SYN2: variants seen among roughly 807,000 people sequenced by gnomAD.
SYN2 encodes synapsin-2.
In SYN2, 19 loss-of-function variants were observed where a neutral mutation model predicts 50.9. The observed-to-expected ratio is 0.37, with a 90% confidence interval of 0.26 to 0.55. The LOEUF is 0.55. Among genes scored for constraint, SYN2 ranks in the 20% least tolerant of loss-of-function variants. SYN2 has a pLI of 0.81. For synonymous variants in SYN2, 255 were observed against 224.9 expected (o/e 1.13, Z -1.20); for missense variants, 587 against 576.4 (o/e 1.02, Z -0.19).
At chr3:12,056,060 A>G (rs1694981293) in intron 1 of SYN2, among the ~76,000 whole-genome samples, 1 of 152,240 alleles carries the variant, frequency 6.6e-6, no homozygotes, top group African/African-American at 2.4e-5. Context: ...AATTCTACAT[A>G]TGGATCAAGA....
At chr3:12,151,112 T>C (rs1697276010) in intron 4 of SYN2, 125 bp from the exon 5 acceptor site, 2 of 664,864 alleles carry the variant, frequency 3.0e-6, no homozygotes, top group Admixed American at 2.4e-5. Flanking sequence ...TTCTTTTATA[T>C]CCTCACAATG....
Position 12,004,923 on chromosome 3 carries a change from C to G in SYN2, c.372C>G (p.Ala124=). 1 of 567,270 alleles carries G rather than the reference C, an allele frequency of 1.8e-6. No individual in the cohort carries two copies. 35.1% of individuals were successfully genotyped at this position (567,270 alleles called of 1,614,324 possible). A position where few individuals can be genotyped will look rare whatever the true frequency, so the allele number is the denominator to read the frequency against. ...TGCTGGTGGTCGACGAGCCGCACGCCGACTGGTAGGTGCCGGGCGCCGCCG... is the reference window on the plus strand; with the variant it reads ...TGCTGGTGGTCGACGAGCCGCACGCGGACTGGTAGGTGCCGGGCGCCGCCG... The part of the protein sequence containing the change: ...KVLLVVDEPH[A]DWAKCFRGKK... Residue 124 remains alanine, a synonymous_variant, in exon 1 of 13, where the codon GCC becomes GCG. Transcript: ENST00000621198.
chr3:12,150,286 G>C (rs901204855), intron 4 of SYN2, among the ~76,000 whole-genome samples: 1 of 152,238 alleles, frequency 6.6e-6, no homozygotes, highest in East Asian at 1.9e-4. Context: ...GGATGGGAGT[G>C]TAGGTGTGTA....
intron 12 of SYN2, among the ~76,000 whole-genome samples, 158 bp downstream of exon 12, chr3:12,187,770 G>T (rs1206179554): frequency 1.4e-4 from 3 of 21,058 alleles, no homozygotes; most frequent in Non-Finnish European, 8.3e-4. Flanking sequence ...TTTGGTTTTT[G>T]TGTGTGTGTG....
chr3:12,151,393 T>C, intron 5 of SYN2, 67 bp downstream of exon 5: 2 of 1,283,490 alleles, frequency 1.6e-6, no homozygotes, highest in Non-Finnish European at 2.2e-6. Flanking sequence ...ACCTGGTTAT[T>C]GTGGGGCTCT....
At chr3:12,079,213 G>A (rs9847190) in intron 1 of SYN2, among the ~76,000 whole-genome samples, 7,557 of 152,174 alleles carry the variant, frequency 0.05, 634 homozygotes, top group African/African-American at 0.17. Flanking sequence ...CTGAGATGAT[G>A]GGATTTTCTA....
chr3:12,013,585 T>G (rs1187276500), intron 1 of SYN2, among the ~76,000 whole-genome samples: 1 of 152,218 alleles, frequency 6.6e-6, no homozygotes, highest in African/African-American at 2.4e-5. Context: ...ATGTTTTTCC[T>G]TCCTATTCCA....
chr3:12,077,177 T>G (rs1297082090), intron 1 of SYN2, among the ~76,000 whole-genome samples: 1 of 152,106 alleles, frequency 6.6e-6, no homozygotes, highest in African/African-American at 2.4e-5. Flanking sequence ...ATATGTAAAG[T>G]TAAGCATTGA....
chr3:12,012,749 A>G (rs938370207), intron 1 of SYN2, among the ~76,000 whole-genome samples: 2 of 152,092 alleles, frequency 1.3e-5, no homozygotes, highest in Non-Finnish European at 2.9e-5. Context: ...AAAAAGACTC[A>G]TCTCTTGTCT....
intron 3 of SYN2, among the ~76,000 whole-genome samples, chr3:12,143,660 A>G (rs11721223): frequency 0.096 from 14,661 of 152,026 alleles, 983 homozygotes; most frequent in African/African-American, 0.19. Flanking sequence ...GGTGTATGCT[A>G]TATATATTTT....
intron 5 of SYN2, among the ~76,000 whole-genome samples, chr3:12,156,160 A>G (rs28897670): frequency 0.08 from 12,092 of 152,038 alleles, 581 homozygotes; most frequent in African/African-American, 0.13. Context: ...TCCCTCCCCC[A>G]CTGCTGTGCT....
intron 5 of SYN2, chr3:12,156,766 TC>T: frequency 6.9e-7 from 1 of 1,450,600 alleles, no homozygotes; most frequent in Non-Finnish European, 9.6e-7. Flanking sequence ...TCTCACTACC[TC>T]CCCTAGGGCA....
chr3:12,132,366 CT>C (rs1696814861), intron 1 of SYN2, among the ~76,000 whole-genome samples: 1 of 152,222 alleles, frequency 6.6e-6, no homozygotes, highest in Non-Finnish European at 1.5e-5. Flanking sequence ...CACCTTCTAA[CT>C]GCTACCTTTA....
chr3:12,068,053 T>C (rs1033150936), intron 1 of SYN2, among the ~76,000 whole-genome samples: 3 of 152,164 alleles, frequency 2.0e-5, no homozygotes, highest in Admixed American at 1.3e-4. Context: ...AGTGAGACCT[T>C]GTCTCGAATG....
chr3:12,168,522 G>T (rs1697860840), intron 9 of SYN2, 44 bp downstream of exon 9: 1 of 1,529,004 alleles, frequency 6.5e-7, no homozygotes, highest in South Asian at 1.2e-5. Flanking sequence ...TAAGGCTTAA[G>T]AACTATGTGG....
chr3:12,148,179 A>G (rs1456828127), intron 4 of SYN2, among the ~76,000 whole-genome samples: 2 of 152,126 alleles, frequency 1.3e-5, no homozygotes, highest in Non-Finnish European at 2.9e-5. Flanking sequence ...CAGGGCAGGA[A>G]GAATGGGGAG....
At position 12,190,561 on chromosome 3, in the gene SYN2, A is replaced by T. The variant is rs767472530; in HGVS notation, c.1685A>T (p.Asp562Val). ...SSFFRSSANE[D>V]EAKAETIRSL... ...TTCTTCCGGTCTTCAGCCAATGAGG[A>T]TGAAGCCAAAGCAGAGACCATCCGG... The change falls in exon 13 of 13, where the codon GAT (aspartate) becomes GTT (valine). Residue 562 changes from aspartate (D) to valine (V), a missense_variant. Coordinates refer to ENST00000621198, the MANE Select transcript of SYN2 (RefSeq NM_133625.6). 5 of 1,613,348 alleles carry T rather than the reference A, an allele frequency of 3.1e-6. No individual in the cohort carries two copies. In the South Asian group the frequency reaches 5.5e-5, roughly 18 times the overall value.
chr3:12,153,541 C>G (rs2125227012), intron 5 of SYN2: 1 of 1,613,912 alleles, frequency 6.2e-7, no homozygotes, highest in Middle Eastern at 1.7e-4. Flanking sequence ...TCAACAAACT[C>G]CTTCCTGAGA....
At chr3:12,142,094 TAGC>T in intron 3 of SYN2, 98 bp downstream of exon 3, 2 of 732,114 alleles carry the variant, frequency 2.7e-6, no homozygotes, top group East Asian at 5.0e-5. Context: ...TGGAGTGAGA[TAGC>T]AGTGCTATGT....
Sources: gnomAD v4.1 joint callset for allele counts (sites outside exome capture counted in the v4.1 genomes callset) on GRCh38, gnomAD v4.1.1 for gene constraint, MANE v1.5 for transcripts, NCBI Gene and HGNC (gene_info 2026-07-23, HGNC 2026-07-21) for gene names.